Variants in RAI14 observed in about 807,000 individuals in gnomAD.
The protein encoded by RAI14 is ankycorbin.
RAI14 carries 45 observed loss-of-function variants against 115.4 expected under a neutral mutation model. The observed-to-expected ratio is 0.39, with a 90% CI of 0.31 to 0.50. The LOEUF (loss-of-function observed/expected upper bound fraction) is 0.50, where lower values mean the gene tolerates loss of function less well. Ranked by LOEUF, RAI14 falls within the 20% of genes least tolerant of loss-of-function variation. The pLI is 0.85. For synonymous variants in RAI14, 371 were observed against 415.4 expected (o/e 0.89, Z 1.30); for missense variants, 939 against 1,131.2 (o/e 0.83, Z 2.44).
intron 2 of RAI14, among the ~76,000 whole-genome samples, chr5:34,734,272 C>G (rs780419803): frequency 7.2e-5 from 11 of 152,188 alleles, no homozygotes; most frequent in Non-Finnish European, 1.6e-4. Flanking sequence ...CCTGAAGGAA[C>G]GAGCACTGCT....
At chr5:34,779,881 A>T (rs929865672) in intron 3 of RAI14, among the ~76,000 whole-genome samples, 7 of 152,242 alleles carry the variant, frequency 4.6e-5, no homozygotes, top group African/African-American at 1.7e-4. Context: ...TTTAAAGTTC[A>T]TAAGGAACCA....
At chr5:34,677,161 ATTTTTT>A (rs747450748) in intron 1 of RAI14, among the ~76,000 whole-genome samples, 1 of 83,152 alleles carries the variant, frequency 1.2e-5, no homozygotes, top group Non-Finnish European at 2.3e-5. Flanking sequence ...TGACATTTCT[ATTTTTT>A]TTTTTTTTTT....
chr5:34,801,540 G>A (rs989021154), intron 4 of RAI14, among the ~76,000 whole-genome samples: 5 of 151,980 alleles, frequency 3.3e-5, no homozygotes, highest in African/African-American at 4.8e-5. Flanking sequence ...TCAGGAGTTC[G>A]AGACCAGCCT....
intron 12 of RAI14, among the ~76,000 whole-genome samples, chr5:34,817,565 C>G (rs1756405399): frequency 6.6e-6 from 1 of 152,124 alleles, no homozygotes; most frequent in Admixed American, 6.5e-5. Context: ...GCTTCATTCA[C>G]AACCTCCCCA....
chr5:34,774,903 C>T (rs1364380105), intron 3 of RAI14, among the ~76,000 whole-genome samples: 1 of 152,150 alleles, frequency 6.6e-6, no homozygotes, highest in African/African-American at 2.4e-5. Context: ...CAGCATGGTA[C>T]TGGCATGAAA....
At chr5:34,804,731 G>A (rs1360670401) in intron 5 of RAI14, among the ~76,000 whole-genome samples, 3 of 152,208 alleles carry the variant, frequency 2.0e-5, no homozygotes, top group Admixed American at 2.0e-4. Flanking sequence ...ATTAATGTCT[G>A]TGATGTTGTA....
intron 1 of RAI14, among the ~76,000 whole-genome samples, chr5:34,682,339 A>G (rs113421230): frequency 1.2e-4 from 19 of 152,132 alleles, no homozygotes; most frequent in African/African-American, 4.6e-4. Context: ...AAATCTTAGA[A>G]CATTTTCATT....
chr5:34,743,770 T>G (rs555693261), intron 2 of RAI14, among the ~76,000 whole-genome samples: 5 of 152,366 alleles, frequency 3.3e-5, no homozygotes, highest in Non-Finnish European at 7.3e-5. Context: ...TTTCACATGT[T>G]GAACTAACTA....
In RAI14 at chr5:34,811,063, T is replaced by C; in HGVS notation, c.502T>C (p.Cys168Arg). Residue 168 changes from cysteine (C) to arginine (R), a missense_variant, in exon 8 of 18, where the codon TGT (cysteine) becomes CGT (arginine). Coordinates refer to ENST00000265109, the MANE Select transcript of RAI14 (RefSeq NM_015577.3). ...TGTACAAAATGGTCACAGTGAGATC[T>C]GTCACTTTCTCCTGGATCATGGAGC... Reference protein sequence around the residue: ...LAVQNGHSEICHFLLDHGADV... With the variant: ...LAVQNGHSEIRHFLLDHGADV... 1 of 1,614,150 alleles carries C rather than the reference T, an allele frequency of 6.2e-7. No individual in the cohort carries two copies. Among genetic ancestry groups the C allele is most frequent in the Non-Finnish European group, 8.5e-7 (1 of 1,180,026 alleles).
rs1355393361 is a variant in RAI14, at chr5:34,742,343, G to A, written c.37-15125G>A. 9.2e-5 allele frequency among the ~76,000 whole-genome samples: 14 copies of A among 152,260 alleles called. No homozygotes were observed. The East Asian group carries it at 1.9e-3, about 21-fold the overall frequency. On this transcript the variant is annotated intron_variant, in intron 2 of 17. Coordinates refer to ENST00000265109, the MANE Select transcript of RAI14 (RefSeq NM_015577.3). ...GGTCAACATTTTAATAAATACAGGC[G>A]TGGTTAATATCAAGCCAGTGTGTCA...
At chr5:34,675,519 C>T (rs1579875502) in intron 1 of RAI14, among the ~76,000 whole-genome samples, 1 of 152,180 alleles carries the variant, frequency 6.6e-6, no homozygotes, top group East Asian at 1.9e-4. Flanking sequence ...TTGGGAGGCA[C>T]AGGCCGGAGG....
intron 3 of RAI14, among the ~76,000 whole-genome samples, chr5:34,775,495 G>A (rs895306053): frequency 6.6e-6 from 1 of 152,152 alleles, no homozygotes; most frequent in Non-Finnish European, 1.5e-5. Flanking sequence ...CACTTTGGGA[G>A]GTCAAGGTGA....
chr5:34,818,291 T>C (rs922415560), intron 12 of RAI14, among the ~76,000 whole-genome samples: 6 of 152,222 alleles, frequency 3.9e-5, no homozygotes, highest in African/African-American at 7.2e-5. Flanking sequence ...TGAGACCATA[T>C]GATATTTATT....
intron 4 of RAI14, among the ~76,000 whole-genome samples, 179 bp downstream of exon 4, chr5:34,796,206 C>T (rs910787341): frequency 6.6e-6 from 1 of 152,114 alleles, no homozygotes; most frequent in Non-Finnish European, 1.5e-5. Context: ...GCCAGACTGG[C>T]CAATATGGTT....
At chr5:34,722,752 A>C (rs1487396782) in intron 2 of RAI14, among the ~76,000 whole-genome samples, 1 of 151,674 alleles carries the variant, frequency 6.6e-6, no homozygotes, top group Non-Finnish European at 1.5e-5. Flanking sequence ...GGGCTGAGGC[A>C]GGAGAATCAC....
At position 34,776,803 on chromosome 5, in the gene RAI14, T is replaced by TCAAAAAAAACAAACAAACA. The variant is rs1279080501; in HGVS notation, c.168-19136_168-19135insCAAAAAAAACAAACAAACA. ...GCCTGGGTGACAGAGTGAGACCCTT[T>TCAAAAAAAACAAACAAACA]ATTAAAAAAACCCACCAAAACTCAT... On this transcript the variant is annotated intron_variant, in intron 3 of 17. Transcript: ENST00000265109. Among the ~76,000 whole-genome samples the TCAAAAAAAACAAACAAACA allele has an allele frequency of 1.8e-3, 267 of 144,986 alleles. 2 individuals carry two copies. The highest frequency in any genetic ancestry group is 6.4e-3 in the African/African-American group (257 of 40,180).
At chr5:34,828,590 G>C (rs1757690572) in intron 16 of RAI14, among the ~76,000 whole-genome samples, 1 of 152,098 alleles carries the variant, frequency 6.6e-6, no homozygotes, top group South Asian at 2.1e-4. Flanking sequence ...GACACTGATG[G>C]GGGGAAGGAA....
chr5:34,782,849 G>C (rs1751831906), intron 3 of RAI14, among the ~76,000 whole-genome samples: 1 of 152,144 alleles, frequency 6.6e-6, no homozygotes, highest in Admixed American at 6.5e-5. Flanking sequence ...ATCTCCATAG[G>C]GGAATAATCA....
intron 2 of RAI14, among the ~76,000 whole-genome samples, chr5:34,720,904 T>G (rs1015125417): frequency 9.9e-5 from 15 of 152,020 alleles, no homozygotes; most frequent in Non-Finnish European, 4.4e-5. Flanking sequence ...TTGCCCAGGC[T>G]GGCCACAAAC....
Sources: gnomAD v4.1 joint callset for allele counts (sites outside exome capture counted in the v4.1 genomes callset) on GRCh38, gnomAD v4.1.1 for gene constraint, MANE v1.5 for transcripts, NCBI Gene and HGNC (gene_info 2026-07-23, HGNC 2026-07-21) for gene names.